Variants in IL6ST observed in about 807,000 individuals in gnomAD.
The protein encoded by IL6ST is interleukin 6 cytokine family signal transducer.
Under a neutral mutation model 91.3 loss-of-function variants are expected in IL6ST, and 24 were observed. That is an observed-to-expected ratio of 0.26 (90% CI 0.19 to 0.37). The LOEUF is 0.37. Ranked by LOEUF, IL6ST falls within the 10% of genes least tolerant of loss-of-function variation. The pLI is 1.00. For missense variants in IL6ST, 914 were observed against 1,078.5 expected (o/e 0.85, Z 2.14); for synonymous variants, 351 against 373.6 (o/e 0.94, Z 0.70).
At chr5:55,982,334 A>G (rs1485585005) in intron 2 of IL6ST, among the ~76,000 whole-genome samples, 1 of 152,184 alleles carries the variant, frequency 6.6e-6, no homozygotes, top group Non-Finnish European at 1.5e-5. Context: ...AGAACAGTAT[A>G]TGAACTAAAA....
chr5:55,989,381 CA>C (rs1194473996), intron 1 of IL6ST, among the ~76,000 whole-genome samples: 1 of 152,112 alleles, frequency 6.6e-6, no homozygotes. Context: ...AAAAGAACCC[CA>C]TTTCATCAGA....
At chr5:55,993,591 A>AT (rs1249529993) in intron 1 of IL6ST, among the ~76,000 whole-genome samples, 1 of 152,222 alleles carries the variant, frequency 6.6e-6, no homozygotes, top group Non-Finnish European at 1.5e-5. Flanking sequence ...CATACTTAAA[A>AT]TAAGAAAAAA....
intron 14 of IL6ST, among the ~76,000 whole-genome samples, chr5:55,948,144 T>G (rs910216433): frequency 6.6e-6 from 1 of 152,160 alleles, no homozygotes; most frequent in African/African-American, 2.4e-5. Context: ...GGCTAAGAAC[T>G]TTAGGAGCTG....
intron 7 of IL6ST, among the ~76,000 whole-genome samples, chr5:55,962,246 T>C (rs181065413): frequency 2.8e-4 from 43 of 152,298 alleles, no homozygotes; most frequent in African/African-American, 9.6e-4. Flanking sequence ...TTTCTGATTG[T>C]ATTCTGAGCA....
chr5:55,966,444 G>A (rs942397234), intron 5 of IL6ST, among the ~76,000 whole-genome samples: 4 of 152,224 alleles, frequency 2.6e-5, no homozygotes, highest in African/African-American at 9.6e-5. Context: ...AGTTACACAG[G>A]TGTCTGTACT....
intron 10 of IL6ST, 39 bp downstream of exon 10, chr5:55,955,986 T>G (rs1751935655): frequency 7.0e-7 from 1 of 1,436,962 alleles, no homozygotes; most frequent in Non-Finnish European, 9.8e-7. Flanking sequence ...ACCACCATTT[T>G]TCCACCCAAG....
In IL6ST at chr5:55,941,427, G is replaced by A. The variant is rs200386892; in HGVS notation, c.2412C>T (p.Gly804=). 2.8e-5 allele frequency: 45 copies of A among 1,614,134 alleles called. No homozygotes were observed. The East Asian group carries it at 3.6e-4, about 13-fold the overall frequency. The part of the protein sequence containing the change: ...EDLQLVDHVD[G]GDGILPRQQY... Reference sequence around the variant, plus strand: ...GTTGCCTGGGCAAAATACCATCACCGCCATCTACATGATCTACTAATTGTA... The same window carrying A: ...GTTGCCTGGGCAAAATACCATCACCACCATCTACATGATCTACTAATTGTA... The change falls in exon 17 of 17, where the codon GGC becomes GGT. Residue 804 remains glycine (G), a synonymous_variant. Transcript: ENST00000381298.
At chr5:55,979,557 G>T (rs889739728) in intron 2 of IL6ST, among the ~76,000 whole-genome samples, 3 of 152,152 alleles carry the variant, frequency 2.0e-5, no homozygotes, top group Admixed American at 1.3e-4. Context: ...TATCAACAGG[G>T]TGTTGTGAGA....
At chr5:55,989,890 G>C (rs1239269466) in intron 1 of IL6ST, among the ~76,000 whole-genome samples, 1 of 151,986 alleles carries the variant, frequency 6.6e-6, no homozygotes, top group Non-Finnish European at 1.5e-5. Flanking sequence ...CAAAATCCCA[G>C]AGCATGCCAG....
chr5:55,948,626 ATG>A (rs1169328415), intron 14 of IL6ST, among the ~76,000 whole-genome samples: 4 of 151,986 alleles, frequency 2.6e-5, no homozygotes, highest in African/African-American at 9.7e-5. Flanking sequence ...ATGGGTATGT[ATG>A]TGTGTATATA....
intron 5 of IL6ST, 138 bp downstream of exon 5, chr5:55,968,138 A>G: frequency 4.6e-6 from 4 of 871,598 alleles, no homozygotes; most frequent in Non-Finnish European, 1.7e-6. Flanking sequence ...CTACTTTTAC[A>G]TATATTTGAA....
intron 1 of IL6ST, among the ~76,000 whole-genome samples, chr5:55,993,603 TC>T (rs1357246447): frequency 6.6e-6 from 1 of 152,124 alleles, no homozygotes; most frequent in African/African-American, 2.4e-5. Flanking sequence ...AAGAAAAAAA[TC>T]CCACTACAGT....
chr5:55,964,255 A>C lies in IL6ST; in HGVS notation c.549T>G (p.Thr183=). The C allele has an allele frequency of 1.2e-6, 2 of 1,611,444 alleles. No individual in the cohort carries two copies. Among genetic ancestry groups the C allele is most frequent in the Non-Finnish European group, 1.7e-6 (2 of 1,178,034 alleles). Reference sequence around the variant, plus strand: ...CAAAATACACAGTAGAATAATCAACAGTGCATGAGGTGGGGGTGTCACGTT... The same window carrying C: ...CAAAATACACAGTAGAATAATCAACCGTGCATGAGGTGGGGGTGTCACGTT... ...KAKRDTPTSC[T]VDYSTVYFVN... is the part of the protein sequence containing the mutation. Residue 183 remains threonine (T), a synonymous_variant, in exon 6 of 17, where the codon ACT becomes ACG. Transcript: ENST00000381298.
chr5:55,971,847 T>C (rs953677244), intron 3 of IL6ST, among the ~76,000 whole-genome samples: 3 of 152,184 alleles, frequency 2.0e-5, no homozygotes, highest in African/African-American at 7.2e-5. Flanking sequence ...CCAGGACCTC[T>C]CACAAAGCCT....
chr5:55,940,322 T>TATCA lies in IL6ST; in HGVS notation c.*756_*759dup, dbSNP rs1288001623. Reference sequence around the variant, plus strand: ...GATAGTTTGGGGGATCCCTAGCTCTTATCATGGCACTCTGTTGAGTTTGTG... The same window carrying TATCA: ...GATAGTTTGGGGGATCCCTAGCTCTTATCAATCATGGCACTCTGTTGAGTTTGTG... On this transcript the variant is annotated 3_prime_UTR_variant, in exon 17 of 17. Transcript: ENST00000381298. 2 of 210,002 alleles carry TATCA rather than the reference T, an allele frequency of 9.5e-6. No homozygotes were observed. The highest frequency in any genetic ancestry group is 4.5e-5 in the African/African-American group (2 of 44,116). The allele number at this position is 210,002 out of a possible 1,614,324, so 13.0% of individuals were successfully genotyped here.
chr5:55,977,065 C>T (rs933118833), intron 2 of IL6ST, among the ~76,000 whole-genome samples: 1 of 151,934 alleles, frequency 6.6e-6, no homozygotes, highest in African/African-American at 2.4e-5. Context: ...TCCAAATGTC[C>T]ACCAACTGCT....
In IL6ST at chr5:55,969,718, T is replaced by C. The variant is rs753153296; in HGVS notation, c.202A>G (p.Lys68Glu). 1 of 1,612,948 alleles carries C rather than the reference T, an allele frequency of 6.2e-7. No homozygotes were observed. The highest frequency in any genetic ancestry group is 8.5e-7 in the Non-Finnish European group (1 of 1,179,050). Residue 68 changes from lysine (K) to glutamate (E), a missense_variant, in exon 4 of 17, where the codon AAA becomes GAA. Coordinates refer to ENST00000381298, the MANE Select transcript of IL6ST (RefSeq NM_002184.4). ...FHVNANYIVW[K>E]TNHFTIPKEQ... ...TTAGGAATAGTAAAATGGTTTGTTT[T>C]CCAGACAATGTAATTAGCATTTACA...
intron 3 of IL6ST, among the ~76,000 whole-genome samples, chr5:55,970,393 TA>T (rs1465892592): frequency 6.6e-6 from 1 of 152,134 alleles, no homozygotes; most frequent in Non-Finnish European, 1.5e-5. Flanking sequence ...GTTTTAAGAA[TA>T]AATGCATGGC....
chr5:55,976,132 A>G, intron 3 of IL6ST, 83 bp downstream of exon 3: 3 of 541,342 alleles, frequency 5.5e-6, no homozygotes, highest in Non-Finnish European at 9.3e-6. Flanking sequence ...TAATAATTAA[A>G]CATAAGCTTA....
Sources: gnomAD v4.1 joint callset for allele counts (sites outside exome capture counted in the v4.1 genomes callset) on GRCh38, gnomAD v4.1.1 for gene constraint, MANE v1.5 for transcripts, NCBI Gene and HGNC (gene_info 2026-07-23, HGNC 2026-07-21) for gene names.